The following DPP6 variants were observed in gnomAD, a reference collection of about 807,000 sequenced individuals.
DPP6 encodes A-type potassium channel modulatory protein DPP6.
DPP6 carries 69 observed loss-of-function variants against 122.6 expected under a neutral mutation model. The ratio of observed to expected loss-of-function variants is 0.56; its 90% CI spans 0.46 to 0.69. DPP6 has a LOEUF of 0.69. Among genes scored for constraint, DPP6 ranks in the 30% least tolerant of loss-of-function variants. DPP6 has a pLI of 0.00. For synonymous variants in DPP6, 418 were observed against 433.1 expected (o/e 0.97, Z 0.43); for missense variants, 928 against 1,116.9 (o/e 0.83, Z 2.41).
At position 154,398,524 on chromosome 7, in the gene DPP6, C is replaced by T. The variant is rs189634717; in HGVS notation, c.244-47690C>T. Among the ~76,000 whole-genome samples the T allele has an allele frequency of 5.3e-5, 8 of 152,250 alleles. No individual in the cohort carries two copies. In the East Asian group the frequency reaches 1.2e-3, roughly 22 times the overall value. On this transcript the variant is annotated intron_variant, in intron 1 of 25. Transcript: ENST00000377770. Reference sequence around the variant, plus strand: ...CACCAATGTGATCATAAGAAGAAAACGTTATCTGCCATCATCCTATTTCTT... The same window carrying T: ...CACCAATGTGATCATAAGAAGAAAATGTTATCTGCCATCATCCTATTTCTT...
At chr7:154,544,542 T>C (rs1013838262) in intron 4 of DPP6, among the ~76,000 whole-genome samples, 2 of 152,090 alleles carry the variant, frequency 1.3e-5, no homozygotes, top group Admixed American at 6.6e-5. Flanking sequence ...AACAAAACAA[T>C]AGAGTTGAGC....
At chr7:153,922,695 A>C (rs1449483029) in intron 1 of DPP6, among the ~76,000 whole-genome samples, 1 of 152,212 alleles carries the variant, frequency 6.6e-6, no homozygotes, top group East Asian at 1.9e-4. Flanking sequence ...AGTGTTACAT[A>C]TTACAATCAA....
At chr7:154,664,719 C>T (rs1467276064) in intron 6 of DPP6, among the ~76,000 whole-genome samples, 2 of 149,582 alleles carry the variant, frequency 1.3e-5, no homozygotes, top group Non-Finnish European at 3.0e-5. Context: ...AATTATCTGA[C>T]TTTTCATTCC....
At chr7:154,300,179 G>A (rs993881750) in intron 1 of DPP6, among the ~76,000 whole-genome samples, 1 of 152,228 alleles carries the variant, frequency 6.6e-6, no homozygotes, top group Non-Finnish European at 1.5e-5. Flanking sequence ...GTCCCGGGTT[G>A]GCAGGTGGGC....
intron 1 of DPP6, among the ~76,000 whole-genome samples, chr7:153,904,485 CTT>C (rs1035330876): frequency 5.9e-5 from 9 of 152,118 alleles, no homozygotes; most frequent in African/African-American, 1.7e-4. Flanking sequence ...ACTCTAATGA[CTT>C]TATTAAAAGG....
chr7:154,683,927 G>A (rs2131181095), intron 7 of DPP6, among the ~76,000 whole-genome samples: 1 of 152,258 alleles, frequency 6.6e-6, no homozygotes, highest in East Asian at 1.9e-4. Context: ...GGAATACAGT[G>A]GTGTGAGCAT....
intron 21 of DPP6, chr7:154,884,670 CAT>C (rs962565486): frequency 5.8e-4 from 86 of 147,934 alleles, no homozygotes; most frequent in African/African-American, 1.7e-3. Context: ...CACACACACA[CAT>C]GCTCACACAC....
At chr7:154,230,516 T>A (rs1800861073) in intron 1 of DPP6, among the ~76,000 whole-genome samples, 1 of 152,208 alleles carries the variant, frequency 6.6e-6, no homozygotes, top group South Asian at 2.1e-4. Context: ...TGAACCTGGG[T>A]CATAGCCCAT....
chr7:154,738,265 G>A (rs1842660059), intron 8 of DPP6, among the ~76,000 whole-genome samples: 1 of 152,220 alleles, frequency 6.6e-6, no homozygotes, highest in African/African-American at 2.4e-5. Context: ...GGAGATAAAA[G>A]GGATGACTGC....
intron 6 of DPP6, among the ~76,000 whole-genome samples, chr7:154,668,219 A>ATATATATATGTGTGT (rs1554430259): frequency 1.8e-5 from 1 of 54,404 alleles, no homozygotes; most frequent in African/African-American, 4.4e-5. Flanking sequence ...ATATATATAT[A>ATATATATATGTGTGT]ATATACACAT....
intron 7 of DPP6, among the ~76,000 whole-genome samples, chr7:154,717,137 G>A (rs1239933857): frequency 7.3e-6 from 1 of 137,898 alleles, no homozygotes; most frequent in Non-Finnish European, 1.6e-5. Flanking sequence ...AGATAAGTGT[G>A]ATGTTTCAAT....
At chr7:154,689,623 G>A (rs1839826516) in intron 7 of DPP6, among the ~76,000 whole-genome samples, 1 of 152,074 alleles carries the variant, frequency 6.6e-6, no homozygotes, top group Non-Finnish European at 1.5e-5. Context: ...TCTACACTGT[G>A]GGACATTATT....
chr7:154,654,411 T>A (rs7457595), intron 6 of DPP6, among the ~76,000 whole-genome samples: 11,489 of 36,030 alleles, frequency 0.32, 1,674 homozygotes, highest in South Asian at 0.44. Context: ...AAATCTTTCT[T>A]TCTTTCTTTC....
intron 3 of DPP6, among the ~76,000 whole-genome samples, chr7:154,516,548 C>T (rs941209372): frequency 6.6e-6 from 1 of 152,164 alleles, no homozygotes; most frequent in Non-Finnish European, 1.5e-5. Context: ...AAGAGGAAAA[C>T]AACCAGGCAA....
At chr7:154,253,762 T>G (rs755500294) in intron 1 of DPP6, among the ~76,000 whole-genome samples, 1 of 152,226 alleles carries the variant, frequency 6.6e-6, no homozygotes, top group Non-Finnish European at 1.5e-5. Context: ...ATTCTCACAC[T>G]GTGATAACTA....
intron 1 of DPP6, among the ~76,000 whole-genome samples, chr7:154,286,027 CG>C (rs1233094222): frequency 6.6e-6 from 1 of 152,130 alleles, no homozygotes; most frequent in African/African-American, 2.4e-5. Context: ...AAGAAAATAT[CG>C]GTAATTTCTC....
At chr7:154,371,652 G>A (rs888371410) in intron 1 of DPP6, among the ~76,000 whole-genome samples, 2 of 152,056 alleles carry the variant, frequency 1.3e-5, no homozygotes, top group African/African-American at 4.8e-5. Context: ...CCTCTAGAGC[G>A]ATTCCTCCCT....
intron 8 of DPP6, among the ~76,000 whole-genome samples, chr7:154,749,794 C>T (rs377015439): frequency 9.5e-5 from 8 of 84,570 alleles, no homozygotes; most frequent in African/African-American, 2.4e-4. Flanking sequence ...GAGCATAGGA[C>T]GGGAAAGAGA....
In DPP6 at chr7:153,998,425, G is replaced by A. The variant is rs576341671; in HGVS notation, c.51+110691G>A. Among the ~76,000 whole-genome samples, 34 of 152,300 alleles carry A rather than the reference G, an allele frequency of 2.2e-4. 1 individual carries two copies. The highest frequency in any genetic ancestry group is 5.3e-4 in the African/African-American group (22 of 41,580). On this transcript the variant is annotated intron_variant, in intron 1 of 25. Coordinates refer to the DPP6 transcript ENST00000404039. The stretch of plus-strand genomic sequence containing the variant: ...CATCCTATCTTTAGGTTGTAGAAAA[G>A]GATGCTGGGGGAGCTGTCATCCCAG...
Sources: allele counts gnomAD v4.1 joint callset (sites outside exome capture counted in the v4.1 genomes callset), GRCh38; gene constraint gnomAD v4.1.1; transcripts MANE v1.5; gene names NCBI Gene and HGNC (gene_info 2026-07-23, HGNC 2026-07-21).